Variants in GSE1 observed in about 807,000 individuals in gnomAD.
GSE1 encodes Gse1 coiled-coil protein.
In GSE1, 32 loss-of-function variants were observed where a neutral mutation model predicts 112.6. The ratio of observed to expected loss-of-function variants is 0.28; its 90% CI spans 0.21 to 0.38. The LOEUF (loss-of-function observed/expected upper bound fraction) is 0.38, where lower values mean the gene tolerates loss of function less well. Among genes scored for constraint, GSE1 ranks in the 10% least tolerant of loss-of-function variants. The pLI is 1.00. For missense variants in GSE1, 2,348 were observed against 1,699.2 expected, an observed-to-expected ratio of 1.38 and a Z score of -6.71; for synonymous variants, 1,115 against 735.6, an observed-to-expected ratio of 1.52 and a Z score of -8.35.
At chr16:85,518,884 G>A (rs2052043974) in intron 2 of GSE1, among the ~76,000 whole-genome samples, 1 of 152,068 alleles carries the variant, frequency 6.6e-6, no homozygotes, top group African/African-American at 2.4e-5. Context: ...CTCACACCTG[G>A]GCCCCCAACA....
chr16:85,317,275 G>C (rs2151492663), intron 1 of GSE1, among the ~76,000 whole-genome samples: 1 of 152,302 alleles, frequency 6.6e-6, no homozygotes, highest in Non-Finnish European at 1.5e-5. Flanking sequence ...CCTCCTGGCT[G>C]TTGACAGCAG....
At chr16:85,600,062 C>T (rs985036492) in intron 1 of GSE1, among the ~76,000 whole-genome samples, 1 of 152,296 alleles carries the variant, frequency 6.6e-6, no homozygotes, top group Non-Finnish European at 1.5e-5. Context: ...CTGTGGCCTC[C>T]GAGGGCGGCT....
At chr16:85,218,026 G>A (rs1011603685) in intron 1 of GSE1, among the ~76,000 whole-genome samples, 1 of 152,086 alleles carries the variant, frequency 6.6e-6, no homozygotes, top group African/African-American at 2.4e-5. Flanking sequence ...TCAGCCTCCT[G>A]TGTAACTGGG....
intron 1 of GSE1, among the ~76,000 whole-genome samples, chr16:85,567,250 C>T (rs2045797127): frequency 6.6e-6 from 1 of 152,138 alleles, no homozygotes; most frequent in Non-Finnish European, 1.5e-5. Flanking sequence ...GGGCTCCTGG[C>T]ATGGAGGAAG....
intron 1 of GSE1, among the ~76,000 whole-genome samples, chr16:85,253,205 G>A (rs1170878624): frequency 1.3e-5 from 2 of 152,104 alleles, no homozygotes; most frequent in African/African-American, 4.8e-5. Flanking sequence ...AGGCGCCAAG[G>A]CCTGCCTCGC....
chr16:85,308,028 C>A (rs956553142), intron 1 of GSE1, among the ~76,000 whole-genome samples: 6 of 152,148 alleles, frequency 3.9e-5, no homozygotes, highest in Admixed American at 2.0e-4. Context: ...GGGGCTGTGC[C>A]GGCAGCGTGG....
intron 2 of GSE1, among the ~76,000 whole-genome samples, chr16:85,500,998 G>GTTTTTTTTTTGT (rs2051342155): frequency 3.1e-5 from 2 of 64,826 alleles, no homozygotes; most frequent in African/African-American, 1.3e-4. Context: ...GGCCTGTTCT[G>GTTTTTTTTTTGT]TTTTTTTTTT....
rs566890495 is a variant in GSE1 at position 85,633,978 on chromosome 16, C to T, written c.72C>T (p.Ala24=). 5 of 1,613,256 alleles carry T rather than the reference C, an allele frequency of 3.1e-6. No homozygotes were observed. Among genetic ancestry groups the T allele is most frequent in the East Asian group, 2.2e-5 (1 of 44,866 alleles). The change falls in exon 2 of 16, where the codon GCC becomes GCT. Residue 24 remains alanine, a synonymous_variant. Coordinates refer to ENST00000253458, the MANE Select transcript of GSE1 (RefSeq NM_014615.5). ...GMLSTATRTT[A]TVNPLTPSPL... ...TTTCCACCGCGACCAGGACCACCGC[C>T]ACCGTCAACCCCCTCACCCCCTCGC...
chr16:85,480,551 G>A, intron 2 of GSE1, among the ~76,000 whole-genome samples: 1 of 152,208 alleles, frequency 6.6e-6, no homozygotes, highest in East Asian at 1.9e-4. Flanking sequence ...GAGGCCCAGT[G>A]GAGCCCCCAC....
At chr16:85,624,834 A>T (rs887071774) in intron 1 of GSE1, among the ~76,000 whole-genome samples, 3 of 152,224 alleles carry the variant, frequency 2.0e-5, no homozygotes, top group African/African-American at 7.2e-5. Context: ...CGCCAAGGGC[A>T]CAGGGTGGCG....
chr16:85,661,466 C>T lies in GSE1; in HGVS notation c.1961C>T (p.Pro654Leu), dbSNP rs372251396. The change falls in exon 9 of 16, where the codon CCG becomes CTG. Residue 654 changes from proline (P) to leucine (L), a missense_variant. Pro to Leu is a moderately conservative substitution (Grantham distance 98). Coordinates refer to ENST00000253458, the MANE Select transcript of GSE1 (RefSeq NM_014615.5). ...APLDKYQPPPPPPREGGSLEH... is the reference protein window; with the variant it reads ...APLDKYQPPPLPPREGGSLEH... Reference sequence around the variant, plus strand: ...CTGGACAAGTACCAGCCACCTCCGCCGCCACCACGAGAGGGAGGGAGCCTG... The same window carrying T: ...CTGGACAAGTACCAGCCACCTCCGCTGCCACCACGAGAGGGAGGGAGCCTG... 1.0e-4 allele frequency: 162 copies of T among 1,611,638 alleles called. No homozygotes were observed. The highest frequency in any genetic ancestry group is 1.7e-4 in the Admixed American group (10 of 59,998).
Position 85,641,231 on chromosome 16 carries a change from G to T in GSE1, c.226+7099G>T, listed in dbSNP as rs2050418263. Among the ~76,000 whole-genome samples the T allele has an allele frequency of 2.6e-5, 4 of 152,182 alleles. No homozygotes were observed. The South Asian group carries it at 8.3e-4, about 31-fold the overall frequency. ...TCAGGGTACCTGTCTCAGCTCCTTT[G>T]GTCCCACGCGGACTCTCCCGGCTCC... is the stretch of plus-strand genomic sequence containing the variant. On this transcript the variant is annotated intron_variant, in intron 2 of 15. Coordinates refer to ENST00000253458, the MANE Select transcript of GSE1 (RefSeq NM_014615.5).
rs2045841559 is a variant in GSE1 at position 85,311,365 on chromosome 16, G to A, written c.2284-46098G>A. On this transcript the variant is annotated intron_variant, in intron 1 of 2. Coordinates refer to the GSE1 transcript ENST00000637419. This position sits in a 1 kb window ranked among gnomAD's most constrained non-coding sequence, Gnocchi z 4.2. Reference sequence around the variant, plus strand: ...TGGTGGCAGGACCCAAGACTGTGCAGTTCTAAACCAGCTCTGGTGCAGACA... The same window carrying A: ...TGGTGGCAGGACCCAAGACTGTGCAATTCTAAACCAGCTCTGGTGCAGACA... Among the ~76,000 whole-genome samples, 1 of 152,244 alleles carries A rather than the reference G, an allele frequency of 6.6e-6. No homozygotes were observed. The highest frequency in any genetic ancestry group is 2.4e-5 in the African/African-American group (1 of 41,468).
At chr16:85,532,715 C>G (rs2044176932) in intron 2 of GSE1, among the ~76,000 whole-genome samples, 1 of 152,234 alleles carries the variant, frequency 6.6e-6, no homozygotes, top group Admixed American at 6.5e-5. Flanking sequence ...CAGGATGGGC[C>G]TGTGGCTCCA....
chr16:85,567,488 C>T (rs534634384), intron 1 of GSE1, among the ~76,000 whole-genome samples: 8 of 152,228 alleles, frequency 5.3e-5, no homozygotes, highest in Admixed American at 2.0e-4. Flanking sequence ...TTCGCCAGAC[C>T]GCAGCCGGGG....
At chr16:85,536,129 G>C (rs567894197) in intron 2 of GSE1, among the ~76,000 whole-genome samples, 1 of 152,360 alleles carries the variant, frequency 6.6e-6, no homozygotes, top group Admixed American at 6.5e-5. Flanking sequence ...GTCCCCAGGA[G>C]GGAGGCCCAG....
chr16:85,654,788 C>G lies in GSE1; in HGVS notation c.600-6C>G. On this transcript the variant is annotated splice_polypyrimidine_tract_variant and splice_region_variant and intron_variant, in intron 4 of 15. Coordinates refer to ENST00000253458, the MANE Select transcript of GSE1 (RefSeq NM_014615.5). ...TCCCCACCTTGCCCACTATCCCCGC[C>G]TGCAGCCTCCAGCGGCCCGTGCACC... 1 of 1,605,052 alleles carries G rather than the reference C, an allele frequency of 6.2e-7. No homozygotes were observed. Among genetic ancestry groups the G allele is most frequent in the Non-Finnish European group, 8.5e-7 (1 of 1,174,534 alleles).
intron 1 of GSE1, among the ~76,000 whole-genome samples, chr16:85,314,538 A>T (rs1447504267): frequency 6.6e-6 from 1 of 152,116 alleles, no homozygotes; most frequent in Non-Finnish European, 1.5e-5. Context: ...GCACACATGC[A>T]TGCACACACA....
At chr16:85,256,911 A>G (rs957706613) in intron 1 of GSE1, among the ~76,000 whole-genome samples, 5 of 152,218 alleles carry the variant, frequency 3.3e-5, no homozygotes, top group Non-Finnish European at 7.3e-5. Flanking sequence ...AGTGCTCACG[A>G]CATGTGGCCG....
Sources: allele counts gnomAD v4.1 joint callset (sites outside exome capture counted in the v4.1 genomes callset), GRCh38; gene constraint gnomAD v4.1.1; non-coding constraint Gnocchi (gnomAD v3.1); transcripts MANE v1.5; gene names NCBI Gene and HGNC (gene_info 2026-07-23, HGNC 2026-07-21).